FGF12: variants seen among roughly 807,000 people sequenced by gnomAD.
FGF12 encodes the protein fibroblast growth factor 12B.
In FGF12, 14 loss-of-function variants were observed where a neutral mutation model predicts 23.6. That is an observed-to-expected ratio of 0.59 (90% confidence interval 0.39 to 0.93). The LOEUF is 0.93. FGF12 is among the 40% of genes least tolerant of loss of function. The pLI is 0.00. For missense variants in FGF12, 175 were observed against 217.8 expected, an observed-to-expected ratio of 0.80 and a Z score of 1.24; for synonymous variants, 62 against 77.3, an observed-to-expected ratio of 0.80 and a Z score of 1.04.
In FGF12 at chr3:192,302,058, G is replaced by T. The variant is rs142096942; in HGVS notation, c.228+33303C>A. 5.8e-3 allele frequency among the ~76,000 whole-genome samples: 887 copies of T among 152,258 alleles called. 41 individuals are homozygous for T. The highest frequency in any genetic ancestry group is 0.053 in the Admixed American group (804 of 15,278). ...GAATCCAAAATGTACAACTGAGACG[G>T]TGTTATGGAGAATATAAAAGTGAGC... On this transcript the variant is annotated intron_variant, in intron 4 of 5. Transcript: ENST00000445105.
chr3:192,639,049 C>T (rs937200831), intron 2 of FGF12, among the ~76,000 whole-genome samples: 18 of 152,204 alleles, frequency 1.2e-4, no homozygotes, highest in African/African-American at 4.1e-4. Context: ...GCAAACCATA[C>T]ATCTGATAAG....
chr3:192,712,698 G>A (rs1272766027), intron 2 of FGF12, among the ~76,000 whole-genome samples: 3 of 151,788 alleles, frequency 2.0e-5, no homozygotes, highest in East Asian at 1.9e-4. Context: ...GATATTTTCC[G>A]ATATGAAAAG....
chr3:192,155,204 C>G (rs369116478), intron 5 of FGF12, among the ~76,000 whole-genome samples: 6,252 of 152,102 alleles, frequency 0.041, 192 homozygotes, highest in South Asian at 0.062. Context: ...CTGACCTGCG[C>G]CCACTGTCTG....
chr3:192,461,904 C>T (rs1003300252), intron 2 of FGF12, among the ~76,000 whole-genome samples: 3 of 151,872 alleles, frequency 2.0e-5, no homozygotes, highest in African/African-American at 7.2e-5. Context: ...GCAGGAGAAT[C>T]GCTTGAACCC....
At chr3:192,625,262 ATAT>A (rs1715126233) in intron 2 of FGF12, among the ~76,000 whole-genome samples, 1 of 152,158 alleles carries the variant, frequency 6.6e-6, no homozygotes, top group Non-Finnish European at 1.5e-5. Flanking sequence ...TCCTTGATAA[ATAT>A]TATACCAATT....
At chr3:192,706,045 T>C (rs1718457543) in intron 2 of FGF12, among the ~76,000 whole-genome samples, 1 of 152,214 alleles carries the variant, frequency 6.6e-6, no homozygotes, top group African/African-American at 2.4e-5. Flanking sequence ...TTTCATCTGT[T>C]AATCCTTAGC....
At chr3:192,597,178 T>C (rs1264379258) in intron 2 of FGF12, among the ~76,000 whole-genome samples, 3 of 152,138 alleles carry the variant, frequency 2.0e-5, no homozygotes, top group Non-Finnish European at 4.4e-5. Context: ...CCCTAACTTA[T>C]TGGAAGGGCA....
At chr3:192,350,739 A>G (rs1475351489) in intron 3 of FGF12, among the ~76,000 whole-genome samples, 1 of 152,146 alleles carries the variant, frequency 6.6e-6, no homozygotes, top group Non-Finnish European at 1.5e-5. Context: ...GAAGGAGACA[A>G]CGGGTGAGAT....
chr3:192,374,053 T>C (rs1217983986), intron 2 of FGF12, among the ~76,000 whole-genome samples: 1 of 152,226 alleles, frequency 6.6e-6, no homozygotes, highest in African/African-American at 2.4e-5. Context: ...AGAAAAGGCA[T>C]GATTTGTCAA....
chr3:192,362,721 G>A lies in FGF12; in HGVS notation c.14-2183C>T, dbSNP rs919992375. On this transcript the variant is annotated intron_variant, in intron 2 of 5. Coordinates refer to ENST00000445105, the MANE Select transcript of FGF12 (RefSeq NM_004113.6). Reference sequence around the variant, plus strand: ...CAAATTTCAAATGAATAGTGACAGAGTACAAACTAGAAAACCCATAAAATA... The same window carrying A: ...CAAATTTCAAATGAATAGTGACAGAATACAAACTAGAAAACCCATAAAATA... Among the ~76,000 whole-genome samples the A allele has an allele frequency of 2.6e-5, 4 of 152,190 alleles. No individual in the cohort carries two copies. In the South Asian group the frequency reaches 8.3e-4, roughly 32 times the overall value.
At chr3:192,384,878 A>T (rs1192524302) in intron 2 of FGF12, among the ~76,000 whole-genome samples, 2 of 152,128 alleles carry the variant, frequency 1.3e-5, no homozygotes, top group Admixed American at 6.5e-5. Context: ...AGAGGGTGAA[A>T]AGTGACTGTT....
At chr3:192,492,867 T>C (rs983530366) in intron 2 of FGF12, among the ~76,000 whole-genome samples, 1 of 151,952 alleles carries the variant, frequency 6.6e-6, no homozygotes, top group African/African-American at 2.4e-5. Context: ...TTCCAATTTA[T>C]ACACAGGATG....
intron 2 of FGF12, among the ~76,000 whole-genome samples, chr3:192,594,386 T>G (rs1361504276): frequency 6.6e-6 from 1 of 151,802 alleles, no homozygotes; most frequent in Non-Finnish European, 1.5e-5. Context: ...CCTTTAAAAG[T>G]AGAAGGTCTG....
intron 2 of FGF12, among the ~76,000 whole-genome samples, chr3:192,713,251 G>A (rs1718752993): frequency 6.6e-6 from 1 of 152,186 alleles, no homozygotes; most frequent in Non-Finnish European, 1.5e-5. Context: ...GTAAGAATGT[G>A]ATAAAGGGAG....
intron 2 of FGF12, among the ~76,000 whole-genome samples, chr3:192,620,469 G>C (rs576052311): frequency 2.8e-4 from 43 of 152,232 alleles, no homozygotes; most frequent in Admixed American, 2.8e-3. Flanking sequence ...TATTTGCTTG[G>C]AGTGTGCTCT....
intron 2 of FGF12, among the ~76,000 whole-genome samples, chr3:192,398,020 T>C (rs1165706394): frequency 6.6e-6 from 1 of 152,202 alleles, no homozygotes. Context: ...TCCGGGTTTA[T>C]AGTTCTTCTT....
chr3:192,351,758 C>T (rs1319546343), intron 3 of FGF12, among the ~76,000 whole-genome samples: 4 of 152,070 alleles, frequency 2.6e-5, no homozygotes, highest in Non-Finnish European at 4.4e-5. Flanking sequence ...ATGTGACTTG[C>T]GCAGCTGTAA....
rs545943230 is a variant in FGF12 at position 192,356,957 on chromosome 3, T to G, written c.124+3471A>C. On this transcript the variant is annotated intron_variant, in intron 3 of 5. Transcript: ENST00000445105. Reference sequence around the variant, plus strand: ...TTTGTTTTTATTTGATATTCTTCATTAAAATATGTGGGGAAAGTGTCAGAA... The same window carrying G: ...TTTGTTTTTATTTGATATTCTTCATGAAAATATGTGGGGAAAGTGTCAGAA... 7.2e-5 allele frequency among the ~76,000 whole-genome samples: 11 copies of G among 152,320 alleles called. No individual in the cohort carries two copies. In the South Asian group the frequency reaches 2.1e-3, roughly 29 times the overall value.
At chr3:192,548,527 T>C (rs1381863659) in intron 2 of FGF12, among the ~76,000 whole-genome samples, 1 of 152,196 alleles carries the variant, frequency 6.6e-6, no homozygotes, top group African/African-American at 2.4e-5. Context: ...TTTTGCTAGA[T>C]TGATTCTTAT....
Sources: gnomAD v4.1 joint callset for allele counts (sites outside exome capture counted in the v4.1 genomes callset) on GRCh38, gnomAD v4.1.1 for gene constraint, MANE v1.5 for transcripts, NCBI Gene and HGNC (gene_info 2026-07-23, HGNC 2026-07-21) for gene names.